Variants in VWA8 observed in about 807,000 individuals in gnomAD.
VWA8 encodes the protein von Willebrand factor A domain containing 8.
A neutral mutation model predicts 241.5 loss-of-function variants in VWA8; 221 were observed. The ratio of observed to expected loss-of-function variants is 0.91; its 90% CI spans 0.82 to 1.02. The LOEUF is 1.02. Ranked by LOEUF, VWA8 falls within the 50% of genes least tolerant of loss-of-function variation. VWA8 has a pLI of 0.00. For missense variants in VWA8, 2,322 were observed against 2,328.7 expected, an observed-to-expected ratio of 1.00 and a Z score of 0.06; for synonymous variants, 852 against 827.1, an observed-to-expected ratio of 1.03 and a Z score of -0.52.
chr13:41,898,941 C>G (rs1381835060), intron 4 of VWA8, among the ~76,000 whole-genome samples: 2 of 152,224 alleles, frequency 1.3e-5, no homozygotes, highest in Admixed American at 6.5e-5. Flanking sequence ...CGCGCAGCCC[C>G]GATTCCCGCT....
intron 21 of VWA8, among the ~76,000 whole-genome samples, chr13:41,734,394 A>G (rs891113144): frequency 6.6e-6 from 1 of 152,150 alleles, no homozygotes; most frequent in African/African-American, 2.4e-5. Context: ...ATTAGAAAGT[A>G]CAGTCATGTT....
At chr13:41,863,438 T>A (rs975205827) in intron 12 of VWA8, among the ~76,000 whole-genome samples, 1 of 85,272 alleles carries the variant, frequency 1.2e-5, no homozygotes, top group African/African-American at 4.1e-5. Context: ...TGTGTGTATA[T>A]ATATATATAT....
chr13:41,604,750 A>C lies in VWA8; in HGVS notation c.4986+418T>G, dbSNP rs1177527187. On this transcript the variant is annotated intron_variant, in intron 40 of 44. Coordinates refer to ENST00000379310, the MANE Select transcript of VWA8 (RefSeq NM_015058.2). ...AAATCTGATTTTGTTTCTGATTTTA[A>C]GGAACACTCAGCCCCTCCTAAATTA... Among the ~76,000 whole-genome samples the C allele has an allele frequency of 2.0e-5, 3 of 152,290 alleles. No individual in the cohort carries two copies. In the East Asian group the frequency reaches 5.8e-4, roughly 29 times the overall value.
intron 9 of VWA8, among the ~76,000 whole-genome samples, chr13:41,874,759 C>G (rs1292313973): frequency 6.6e-6 from 1 of 152,116 alleles, no homozygotes; most frequent in Non-Finnish European, 1.5e-5. Context: ...TTGTTAAGTA[C>G]TGAAAGTGAA....
chr13:41,743,551 G>A (rs2045583437), intron 21 of VWA8, among the ~76,000 whole-genome samples: 1 of 152,182 alleles, frequency 6.6e-6, no homozygotes, highest in Non-Finnish European at 1.5e-5. Context: ...AATAGACAAA[G>A]TTGCTGAAAT....
Position 41,587,636 on chromosome 13 carries a change from C to T in VWA8, c.5147G>A (p.Arg1716His), listed in dbSNP as rs748405634. 1.4e-5 allele frequency: 23 copies of T among 1,614,040 alleles called. No individual in the cohort carries two copies. The highest frequency in any genetic ancestry group is 2.7e-5 in the African/African-American group (2 of 74,922). The stretch of plus-strand genomic sequence containing the variant: ...GCTACCAGACACATCTACCACCAGG[C>T]GCAGACGCTTGGGTTTCTGTTGTGG... ...GSPQQKPKRL[R>H]LVVDVSGSMY... The change falls in exon 42 of 45, where the codon CGC (arginine) becomes CAC (histidine). Residue 1716 changes from arginine to histidine, a missense_variant. Coordinates refer to ENST00000379310, the MANE Select transcript of VWA8 (RefSeq NM_015058.2).
chr13:41,663,309 CCCTCATT>C (rs568308189), intron 37 of VWA8, among the ~76,000 whole-genome samples: 38 of 152,220 alleles, frequency 2.5e-4, no homozygotes, highest in African/African-American at 9.1e-4. Context: ...TTCATGCCCA[CCCTCATT>C]CCTCTTTTCC....
intron 26 of VWA8, among the ~76,000 whole-genome samples, chr13:41,705,913 T>C (rs918289328): frequency 6.6e-6 from 1 of 152,194 alleles, no homozygotes; most frequent in East Asian, 1.9e-4. Flanking sequence ...ATACACATGC[T>C]TTATTAAAGC....
intron 34 of VWA8, among the ~76,000 whole-genome samples, chr13:41,688,982 TAATA>T (rs1195987375): frequency 2.0e-5 from 3 of 152,184 alleles, no homozygotes; most frequent in East Asian, 1.9e-4. Context: ...AAATAAAAGT[TAATA>T]AATAAATATA....
chr13:41,751,015 A>G (rs747381449), intron 21 of VWA8, among the ~76,000 whole-genome samples: 5 of 152,222 alleles, frequency 3.3e-5, no homozygotes, highest in Non-Finnish European at 7.3e-5. Flanking sequence ...AGCAGCCTCA[A>G]TTGCAAGACA....
chr13:41,616,551 C>A (rs1457422558), intron 37 of VWA8, among the ~76,000 whole-genome samples: 1 of 151,698 alleles, frequency 6.6e-6, no homozygotes, highest in Non-Finnish European at 1.5e-5. Flanking sequence ...TTTTTCAACT[C>A]GTTTATAAAT....
In VWA8 at chr13:41,626,825, A is replaced by G. The variant is rs2139671503; in HGVS notation, c.4612-11741T>C. ...TAAAACTAAAAAAACCCTAGACAAA[A>G]ACCTAGGAAATACCACTCTGGACAT... is the stretch of plus-strand genomic sequence containing the variant. On this transcript the variant is annotated intron_variant, in intron 37 of 44. Coordinates refer to ENST00000379310, the MANE Select transcript of VWA8 (RefSeq NM_015058.2). Among the ~76,000 whole-genome samples the G allele has an allele frequency of 2.6e-5, 4 of 152,280 alleles. No homozygotes were observed. In the Middle Eastern group the frequency reaches 0.014, roughly 518 times the overall value.
At chr13:41,611,813 C>T (rs558759528) in intron 38 of VWA8, 81 bp from the exon 39 acceptor site, 5 of 1,501,238 alleles carry the variant, frequency 3.3e-6, no homozygotes, top group South Asian at 1.2e-5. Context: ...TTTAGGACAG[C>T]CTTGTGGAGG....
chr13:41,666,606 C>A (rs1169955526), intron 37 of VWA8, among the ~76,000 whole-genome samples: 1 of 152,026 alleles, frequency 6.6e-6, no homozygotes, highest in East Asian at 1.9e-4. Context: ...GGGGTGTTTG[C>A]AAAATGGAAA....
intron 37 of VWA8, among the ~76,000 whole-genome samples, chr13:41,655,443 G>A (rs900101953): frequency 2.7e-5 from 4 of 150,460 alleles, no homozygotes; most frequent in Non-Finnish European, 4.4e-5. Context: ...AGTGGTTCAC[G>A]AAAAATAATG....
chr13:41,612,461 G>A (rs1006467937), intron 38 of VWA8, among the ~76,000 whole-genome samples: 1 of 152,168 alleles, frequency 6.6e-6, no homozygotes. Flanking sequence ...AACATTGTAT[G>A]AACTGTTCAT....
chr13:41,849,099 T>C (rs1261248204), intron 12 of VWA8, among the ~76,000 whole-genome samples: 2 of 152,222 alleles, frequency 1.3e-5, no homozygotes, highest in South Asian at 2.1e-4. Flanking sequence ...TTCTGCCAAA[T>C]GGCTTCCACT....
chr13:41,823,996 T>C (rs531953380), intron 14 of VWA8, among the ~76,000 whole-genome samples: 1 of 152,322 alleles, frequency 6.6e-6, no homozygotes, highest in South Asian at 2.1e-4. Context: ...TAGGTTCACA[T>C]AAGGAAACAC....
chr13:41,957,593 A>C (rs2138174728), intron 1 of VWA8, among the ~76,000 whole-genome samples: 1 of 152,306 alleles, frequency 6.6e-6, no homozygotes, highest in East Asian at 1.9e-4. Flanking sequence ...GTGCCACAGC[A>C]AGACTCCATC....
Sources: gnomAD v4.1 joint callset for allele counts (sites outside exome capture counted in the v4.1 genomes callset) on GRCh38, gnomAD v4.1.1 for gene constraint, MANE v1.5 for transcripts, NCBI Gene and HGNC (gene_info 2026-07-23, HGNC 2026-07-21) for gene names.